The following BMPR1A variants were observed in gnomAD, a reference collection of about 807,000 sequenced individuals.
BMPR1A encodes the protein bone morphogenetic protein receptor type 1A, also known as bone morphogenetic protein receptor type-1A.
A neutral mutation model predicts 66.0 loss-of-function variants in BMPR1A; 7 were observed. The ratio of observed to expected loss-of-function variants is 0.11; its 90% CI spans 0.06 to 0.20. The LOEUF is 0.20. Among genes scored for constraint, BMPR1A ranks in the 10% least tolerant of loss-of-function variants. BMPR1A has a pLI of 1.00. For missense variants in BMPR1A, 408 were observed against 669.1 expected, an observed-to-expected ratio of 0.61 and a Z score of 4.31; for synonymous variants, 200 against 229.7, an observed-to-expected ratio of 0.87 and a Z score of 1.17.
chr10:86,814,808 C>T (rs113759215), intron 1 of BMPR1A, among the ~76,000 whole-genome samples: 2 of 151,896 alleles, frequency 1.3e-5, no homozygotes, highest in African/African-American at 2.4e-5. Flanking sequence ...TTTTTTGAGA[C>T]GGAGTCTTAC....
In BMPR1A at chr10:86,770,659, C is replaced by G. The variant is rs146096541; in HGVS notation, c.-268+13740C>G. On this transcript the variant is annotated intron_variant, in intron 1 of 12. Transcript: ENST00000372037. Reference sequence around the variant, plus strand: ...ACACCCCTTCCTCCAGGCTAGCTCTCTTGGACTGGGTGCACCCAATCTGAA... The same window carrying G: ...ACACCCCTTCCTCCAGGCTAGCTCTGTTGGACTGGGTGCACCCAATCTGAA... 2.5e-3 allele frequency among the ~76,000 whole-genome samples: 385 copies of G among 152,298 alleles called. 2 individuals carry two copies. The highest frequency in any genetic ancestry group is 3.0e-3 in the Non-Finnish European group (204 of 68,032).
intron 1 of BMPR1A, among the ~76,000 whole-genome samples, chr10:86,793,420 A>G (rs138683907): frequency 0.016 from 2,420 of 150,834 alleles, 73 homozygotes; most frequent in African/African-American, 0.056. Context: ...CTGGAGTGCA[A>G]TGGCGTGATC....
At chr10:86,767,107 G>T (rs548239618) in intron 1 of BMPR1A, among the ~76,000 whole-genome samples, 1 of 152,064 alleles carries the variant, frequency 6.6e-6, no homozygotes, top group Non-Finnish European at 1.5e-5. Context: ...CAGGCGTGAG[G>T]CACCACGCCC....
intron 3 of BMPR1A, among the ~76,000 whole-genome samples, chr10:86,884,349 G>A (rs1478498972): frequency 6.9e-6 from 1 of 144,198 alleles, no homozygotes; most frequent in Non-Finnish European, 1.5e-5. Context: ...ACCTCCGTAA[G>A]TGCTAGGATT....
intron 1 of BMPR1A, among the ~76,000 whole-genome samples, chr10:86,793,654 A>G (rs1841663859): frequency 6.6e-6 from 1 of 152,034 alleles, no homozygotes; most frequent in Non-Finnish European, 1.5e-5. Context: ...GGCCTGACAG[A>G]TAGTTTTTTT....
chr10:86,794,824 CTATAGATATAGATATATAGA>C lies in BMPR1A; in HGVS notation c.-268+37917_-268+37936del, dbSNP rs1368242195. ...AATTCAAATTTATCTATATCTATAT[CTATAGATATAGATATATAGA>C]TATAGATATAGTTTTTTTTTTTTAG... On this transcript the variant is annotated intron_variant, in intron 1 of 12. Coordinates refer to ENST00000372037, the MANE Select transcript of BMPR1A (RefSeq NM_004329.3). Among the ~76,000 whole-genome samples the C allele has an allele frequency of 4.0e-5, 6 of 148,312 alleles. No homozygotes were observed. The East Asian group carries it at 9.9e-4, about 24-fold the overall frequency.
intron 1 of BMPR1A, among the ~76,000 whole-genome samples, chr10:86,767,583 T>TG (rs1169281915): frequency 1.3e-5 from 2 of 152,184 alleles, no homozygotes; most frequent in South Asian, 2.1e-4. Context: ...GAAGCTGAGG[T>TG]GGGGGGATCG....
chr10:86,803,448 AT>A (rs542354831), intron 1 of BMPR1A, among the ~76,000 whole-genome samples: 10 of 150,350 alleles, frequency 6.7e-5, no homozygotes, highest in Non-Finnish European at 1.3e-4. Flanking sequence ...AAACTTAGAC[AT>A]TTTTTTCCCC....
intron 2 of BMPR1A, among the ~76,000 whole-genome samples, chr10:86,869,128 T>C (rs961731221): frequency 2.6e-5 from 4 of 152,180 alleles, no homozygotes; most frequent in African/African-American, 9.7e-5. Context: ...TTAAAAAATA[T>C]ATTTTATCGT....
intron 1 of BMPR1A, among the ~76,000 whole-genome samples, chr10:86,805,981 C>G (rs1220342514): frequency 2.7e-5 from 4 of 150,364 alleles, no homozygotes; most frequent in Non-Finnish European, 5.9e-5. Flanking sequence ...TGTCCTGCCT[C>G]TTTAATCTCC....
intron 11 of BMPR1A, among the ~76,000 whole-genome samples, chr10:86,922,570 C>T (rs944827343): frequency 6.6e-6 from 1 of 152,208 alleles, no homozygotes; most frequent in African/African-American, 2.4e-5. Context: ...TGAAAGGATA[C>T]AAATCAAAAT....
chr10:86,893,330 C>T (rs1390404072), intron 5 of BMPR1A, among the ~76,000 whole-genome samples: 3 of 152,184 alleles, frequency 2.0e-5, no homozygotes, highest in African/African-American at 7.2e-5. Flanking sequence ...AGTTTATGAG[C>T]ATCCTGATGG....
intron 2 of BMPR1A, among the ~76,000 whole-genome samples, chr10:86,853,188 A>G (rs1842595258): frequency 6.6e-6 from 1 of 152,122 alleles, no homozygotes; most frequent in African/African-American, 2.4e-5. Context: ...GTAAATAGAA[A>G]ACCTGGATAT....
At chr10:86,865,499 T>C (rs937609795) in intron 2 of BMPR1A, among the ~76,000 whole-genome samples, 7 of 152,208 alleles carry the variant, frequency 4.6e-5, no homozygotes, top group African/African-American at 1.7e-4. Context: ...CTCCCTTCGC[T>C]GACTCTCTTT....
chr10:86,781,161 C>T (rs1319982505), intron 1 of BMPR1A, among the ~76,000 whole-genome samples: 3 of 152,126 alleles, frequency 2.0e-5, no homozygotes, highest in East Asian at 1.9e-4. Context: ...GCTCTCATTT[C>T]GAATCTTACA....
At chr10:86,922,530 G>T (rs182099910) in intron 11 of BMPR1A, among the ~76,000 whole-genome samples, 1 of 152,168 alleles carries the variant, frequency 6.6e-6, no homozygotes, top group Non-Finnish European at 1.5e-5. Flanking sequence ...CTCGGCATGT[G>T]GTTGTCCCAA....
chr10:86,783,187 T>G (rs1229367200), intron 1 of BMPR1A, among the ~76,000 whole-genome samples: 2 of 152,236 alleles, frequency 1.3e-5, no homozygotes, highest in Non-Finnish European at 2.9e-5. Context: ...GGTTTATATC[T>G]GGGCTGTCTG....
chr10:86,857,298 A>G (rs1216314218), intron 2 of BMPR1A, among the ~76,000 whole-genome samples: 2 of 152,176 alleles, frequency 1.3e-5, no homozygotes, highest in African/African-American at 4.8e-5. Context: ...GGAATGATCC[A>G]TGAGGCTCGT....
chr10:86,898,282 A>C (rs539661256), intron 5 of BMPR1A, among the ~76,000 whole-genome samples: 1 of 151,898 alleles, frequency 6.6e-6, no homozygotes, highest in Non-Finnish European at 1.5e-5. Context: ...ACATATATAC[A>C]TGTTTATATG....
Sources: allele counts gnomAD v4.1 joint callset (sites outside exome capture counted in the v4.1 genomes callset), GRCh38; gene constraint gnomAD v4.1.1; transcripts MANE v1.5; gene names NCBI Gene and HGNC (gene_info 2026-07-23, HGNC 2026-07-21).